CNTN4: variants seen among roughly 807,000 people sequenced by gnomAD.
CNTN4 encodes the protein contactin 4.
CNTN4 carries 77 observed loss-of-function variants against 122.5 expected under a neutral mutation model. That is an observed-to-expected ratio of 0.63 (90% CI 0.52 to 0.76). The LOEUF (loss-of-function observed/expected upper bound fraction) is 0.76, where lower values mean the gene tolerates loss of function less well. Ranked by LOEUF, CNTN4 falls within the 30% of genes least tolerant of loss-of-function variation. The pLI is 0.00. For synonymous variants in CNTN4, 512 were observed against 447.0 expected, an observed-to-expected ratio of 1.15 and a Z score of -1.83; for missense variants, 1,256 against 1,259.1, an observed-to-expected ratio of 1.00 and a Z score of 0.04.
At chr3:3,002,542 T>A (rs534465832) in intron 14 of CNTN4, among the ~76,000 whole-genome samples, 3 of 152,268 alleles carry the variant, frequency 2.0e-5, no homozygotes, top group African/African-American at 7.2e-5. Context: ...TTCTACAATT[T>A]GTGAATATGG....
intron 2 of CNTN4, among the ~76,000 whole-genome samples, chr3:2,158,756 C>A (rs1044018703): frequency 5.3e-5 from 8 of 152,180 alleles, no homozygotes; most frequent in Admixed American, 2.6e-4. Context: ...TCACTCTTGT[C>A]ATTTGGGAAA....
At chr3:2,692,650 C>T (rs1011680817) in intron 4 of CNTN4, among the ~76,000 whole-genome samples, 1 of 152,036 alleles carries the variant, frequency 6.6e-6, no homozygotes, top group African/African-American at 2.4e-5. Context: ...TTTTGTCGCA[C>T]ACACACTGGC....
rs34531341 is a variant in CNTN4, at chr3:2,758,517, CT to C, written c.358+12838del. 5.5e-3 allele frequency among the ~76,000 whole-genome samples: 684 copies of C among 124,232 alleles called. 2 individuals carry two copies. The highest frequency in any genetic ancestry group is 0.017 in the African/African-American group (586 of 33,888). 81.5% of individuals were successfully genotyped at this position (124,232 alleles called of 152,430 possible). On this transcript the variant is annotated intron_variant, in intron 6 of 24. Transcript: ENST00000418658. Reference sequence around the variant, plus strand: ...GTTGCCTCTTACTTTCAACACCATACTTTTTTTTTTTTTTTTTTGAGACGGA... The same window carrying C: ...GTTGCCTCTTACTTTCAACACCATACTTTTTTTTTTTTTTTTTGAGACGGA...
intron 4 of CNTN4, among the ~76,000 whole-genome samples, chr3:2,630,328 A>C (rs1258101450): frequency 1.3e-5 from 2 of 152,126 alleles, no homozygotes; most frequent in Non-Finnish European, 2.9e-5. Flanking sequence ...AGTCCCAACT[A>C]CTCGGGAGGC....
chr3:2,898,965 T>C (rs768663876), intron 10 of CNTN4, among the ~76,000 whole-genome samples: 1 of 152,220 alleles, frequency 6.6e-6, no homozygotes, highest in African/African-American at 2.4e-5. Flanking sequence ...TGCAGCTCTT[T>C]TAAGGGTGTA....
intron 3 of CNTN4, among the ~76,000 whole-genome samples, chr3:2,570,801 A>G (rs1324222351): frequency 6.6e-6 from 1 of 152,138 alleles, no homozygotes; most frequent in Non-Finnish European, 1.5e-5. Context: ...AGTGTTCCTA[A>G]TCATGTTCTG....
At chr3:2,622,595 C>T (rs2082032204) in intron 4 of CNTN4, among the ~76,000 whole-genome samples, 2 of 152,152 alleles carry the variant, frequency 1.3e-5, no homozygotes, top group African/African-American at 2.4e-5. Context: ...AGTTTTGAAG[C>T]AGAGGAGTTG....
chr3:2,795,742 G>A (rs1012417482), intron 6 of CNTN4, among the ~76,000 whole-genome samples: 9 of 151,936 alleles, frequency 5.9e-5, no homozygotes, highest in South Asian at 2.1e-4. Flanking sequence ...GAATGGTCTC[G>A]ATCTCCTGAC....
At chr3:2,711,073 G>T (rs1331710599) in intron 4 of CNTN4, among the ~76,000 whole-genome samples, 1 of 152,206 alleles carries the variant, frequency 6.6e-6, no homozygotes, top group African/African-American at 2.4e-5. Flanking sequence ...AATATTTTCT[G>T]AATGAACTGT....
intron 12 of CNTN4, among the ~76,000 whole-genome samples, chr3:2,905,215 C>CT (rs2094216476): frequency 1.3e-5 from 2 of 152,162 alleles, no homozygotes; most frequent in African/African-American, 4.8e-5. Context: ...GATCTGAGCT[C>CT]TTAAGTTTCC....
rs576597202 is a variant in CNTN4 at position 2,442,059 on chromosome 3, G to A, written c.-89+102826G>A. Among the ~76,000 whole-genome samples the A allele has an allele frequency of 1.1e-4, 16 of 152,196 alleles. No homozygotes were observed. In the South Asian group the frequency reaches 3.3e-3, roughly 31 times the overall value. On this transcript the variant is annotated intron_variant, in intron 3 of 24. Transcript: ENST00000418658. ...TATGCTGGTTAGAAAACCACCAGGG[G>A]ATTTAACTGGATATGAAACAAAATT... is the stretch of plus-strand genomic sequence containing the variant.
At chr3:2,521,677 A>G (rs1204855326) in intron 3 of CNTN4, among the ~76,000 whole-genome samples, 1 of 152,132 alleles carries the variant, frequency 6.6e-6, no homozygotes, top group Non-Finnish European at 1.5e-5. Context: ...AATTGGTAGT[A>G]AAATATATAG....
chr3:2,562,516 T>C (rs77626525), intron 3 of CNTN4, among the ~76,000 whole-genome samples: 3 of 152,114 alleles, frequency 2.0e-5, no homozygotes, highest in Admixed American at 2.0e-4. Flanking sequence ...TTGTTTAGTA[T>C]AATGGCCTCC....
intron 3 of CNTN4, chr3:2,362,219 C>A: frequency 5.7e-6 from 1 of 174,430 alleles, no homozygotes; most frequent in South Asian, 1.3e-4. Context: ...TAACTTTATT[C>A]TAACAACAAG....
At chr3:2,495,155 T>C (rs923099075) in intron 3 of CNTN4, among the ~76,000 whole-genome samples, 1 of 152,208 alleles carries the variant, frequency 6.6e-6, no homozygotes, top group Non-Finnish European at 1.5e-5. Context: ...AATCAATATT[T>C]AATAGCAATC....
At chr3:2,488,292 GA>G (rs988153182) in intron 3 of CNTN4, among the ~76,000 whole-genome samples, 1 of 152,240 alleles carries the variant, frequency 6.6e-6, no homozygotes, top group Admixed American at 6.5e-5. Flanking sequence ...AGTTTGAGGG[GA>G]AAAAATCCAT....
At chr3:2,965,224 C>T (rs866940258) in intron 13 of CNTN4, among the ~76,000 whole-genome samples, 3 of 152,212 alleles carry the variant, frequency 2.0e-5, no homozygotes, top group Non-Finnish European at 2.9e-5. Flanking sequence ...ACAAGCATAT[C>T]GGAGCCAAAT....
chr3:2,698,423 T>C (rs2086166204), intron 4 of CNTN4, among the ~76,000 whole-genome samples: 3 of 152,200 alleles, frequency 2.0e-5, no homozygotes, highest in African/African-American at 4.8e-5. Context: ...ATTAAATGAC[T>C]TCATGCGGAC....
In CNTN4 at chr3:2,909,572, G is replaced by C. The variant is rs1231920254; in HGVS notation, c.1207+6567G>C. On this transcript the variant is annotated intron_variant, in intron 12 of 24. Coordinates refer to ENST00000418658, the MANE Select transcript of CNTN4 (RefSeq NM_175607.3). ...ACTATCCTGATGGCATACCATACTC[G>C]TTATCAACTAATTCAGTCTCTGATC... Among the ~76,000 whole-genome samples, 8 of 152,056 alleles carry C rather than the reference G, an allele frequency of 5.3e-5. No homozygotes were observed. The South Asian group carries it at 1.5e-3, about 28-fold the overall frequency.
Sources: gnomAD v4.1 joint callset for allele counts (sites outside exome capture counted in the v4.1 genomes callset) on GRCh38, gnomAD v4.1.1 for gene constraint, MANE v1.5 for transcripts, NCBI Gene and HGNC (gene_info 2026-07-23, HGNC 2026-07-21) for gene names.